RELL1: variants seen among roughly 807,000 people sequenced by gnomAD.
RELL1 encodes RELT like 1.
A neutral mutation model predicts 23.0 loss-of-function variants in RELL1; 10 were observed. The ratio of observed to expected loss-of-function variants is 0.43; its 90% CI spans 0.27 to 0.74. The LOEUF (loss-of-function observed/expected upper bound fraction) is 0.74, where lower values mean the gene tolerates loss of function less well. Among genes scored for constraint, RELL1 ranks in the 30% least tolerant of loss-of-function variants. The pLI, the probability that RELL1 is intolerant of heterozygous loss-of-function variation, is 0.19. For missense variants in RELL1, 315 were observed against 364.4 expected (o/e 0.86, Z 1.10); for synonymous variants, 146 against 146.8 (o/e 0.99, Z 0.04).
At chr4:37,668,694 G>A (rs1234491151) in intron 1 of RELL1, among the ~76,000 whole-genome samples, 4 of 151,428 alleles carry the variant, frequency 2.6e-5, no homozygotes, top group African/African-American at 7.3e-5. Flanking sequence ...GGGATGTGAG[G>A]AGCCCCTCTG....
At position 37,613,304 on chromosome 4, in the gene RELL1, A is replaced by G. The variant is rs1719470477; in HGVS notation, c.*42T>C. 1 of 152,220 alleles carries G rather than the reference A, an allele frequency of 6.6e-6. No individual in the cohort carries two copies. Among genetic ancestry groups the G allele is most frequent in the Non-Finnish European group, 1.5e-5 (1 of 68,040 alleles). The allele number at this position is 152,220 out of a possible 1,614,324, so 9.4% of individuals were successfully genotyped here. A position where few individuals can be genotyped will look rare whatever the true frequency, so the allele number is the denominator to read the frequency against. On this transcript the variant is annotated 3_prime_UTR_variant, in exon 7 of 7. Coordinates refer to ENST00000454158, the MANE Select transcript of RELL1 (RefSeq NM_001085400.2). The stretch of plus-strand genomic sequence containing the variant: ...AATATTCCCAAGGCAACTTCATATA[A>G]GTTTTCAGTCTCTTAGAGCTCTTCA...
At chr4:37,604,880 TACACACAG>T (rs1719137576) in intron 6 of RELL1, among the ~76,000 whole-genome samples, 5 of 37,754 alleles carry the variant, frequency 1.3e-4, no homozygotes, top group South Asian at 1.2e-3. Flanking sequence ...CACACACACA[TACACACAG>T]ACACACACAC....
At chr4:37,604,722 T>C (rs918895649) in intron 6 of RELL1, among the ~76,000 whole-genome samples, 2 of 151,438 alleles carry the variant, frequency 1.3e-5, no homozygotes, top group African/African-American at 4.9e-5. Flanking sequence ...CTTTGGCAAA[T>C]ACAGTTTTGA....
chr4:37,607,547 C>T (rs114886798), downstream of RELL1, among the ~76,000 whole-genome samples: 892 of 150,506 alleles, frequency 5.9e-3, 6 homozygotes, highest in African/African-American at 0.02. Flanking sequence ...CCCTGCAAGT[C>T]GAGAAGGTCC....
At chr4:37,645,074 C>T (rs73807877) in intron 3 of RELL1, among the ~76,000 whole-genome samples, 1,959 of 152,334 alleles carry the variant, frequency 0.013, 46 homozygotes, top group African/African-American at 0.045. Flanking sequence ...CAGCACATAG[C>T]AAACCCTCAT....
rs1377813322 is a variant in RELL1, at chr4:37,612,341, AAAAAAAAC to A, written c.*997_*1004del. Among the ~76,000 whole-genome samples, 6,439 of 56,928 alleles carry A rather than the reference AAAAAAAAC, an allele frequency of 0.11. 176 individuals carry two copies. The highest frequency in any genetic ancestry group is 0.18 in the Non-Finnish European group (4,399 of 23,816). 37.3% of individuals were successfully genotyped at this position (56,928 alleles called of 152,430 possible). A position where few individuals can be genotyped will look rare whatever the true frequency, so the allele number is the denominator to read the frequency against. On this transcript the variant is annotated 3_prime_UTR_variant, in exon 7 of 7. Coordinates refer to ENST00000454158, the MANE Select transcript of RELL1 (RefSeq NM_001085400.2). ...AAAGGTTAAAAAAAAAAAAAAAACA[AAAAAAAAC>A]AAAAAACCGGGTGCAGTGGCCCACG...
chr4:37,651,386 A>G (rs1023814100), intron 1 of RELL1, among the ~76,000 whole-genome samples: 1 of 152,234 alleles, frequency 6.6e-6, no homozygotes, highest in Non-Finnish European at 1.5e-5. Context: ...GACTGAAACA[A>G]AGCTTCAGTA....
At position 37,671,934 on chromosome 4, in the gene RELL1, G is replaced by A. The variant is rs1396803; in HGVS notation, c.88+14266C>T. On this transcript the variant is annotated intron_variant, in intron 1 of 6. Transcript: ENST00000454158. ...ACACTTATGATTACAGTTTTATTAT[G>A]AAGCATACAACTCAGATACAGCCAA... is the stretch of plus-strand genomic sequence containing the variant. Among the ~76,000 whole-genome samples the A allele has an allele frequency of 4.1e-3, 629 of 152,220 alleles. 21 individuals are homozygous for A. The highest frequency in any genetic ancestry group is 0.04 in the Admixed American group (609 of 15,294).
At chr4:37,605,351 A>G (rs1177382589) in intron 6 of RELL1, among the ~76,000 whole-genome samples, 1 of 152,196 alleles carries the variant, frequency 6.6e-6, no homozygotes, top group Non-Finnish European at 1.5e-5. Flanking sequence ...TCATTGTCCA[A>G]TAAAAGGAAC....
intron 6 of RELL1, among the ~76,000 whole-genome samples, chr4:37,631,090 G>A (rs1287609862): frequency 6.6e-6 from 1 of 152,148 alleles, no homozygotes; most frequent in African/African-American, 2.4e-5. Flanking sequence ...TGGGTGATGT[G>A]AATTCTAGTT....
At chr4:37,628,688 C>A (rs1241158477) in intron 6 of RELL1, among the ~76,000 whole-genome samples, 2 of 152,176 alleles carry the variant, frequency 1.3e-5, no homozygotes, top group Non-Finnish European at 2.9e-5. Context: ...ACATTCCAGA[C>A]TTTCTCTTGG....
chr4:37,605,848 A>AAAGAAAGAAAGAAAGAAAG (rs1435263321), downstream of RELL1, among the ~76,000 whole-genome samples: 4 of 107,140 alleles, frequency 3.7e-5, no homozygotes, highest in South Asian at 3.3e-4. Context: ...AGAAAGAAGG[A>AAAGAAAGAAAGAAAGAAAG]AAAGAAAAGA....
chr4:37,604,447 T>C (rs1719098667), intron 6 of RELL1, among the ~76,000 whole-genome samples: 2 of 152,088 alleles, frequency 1.3e-5, no homozygotes, highest in South Asian at 4.1e-4. Context: ...AATGACCAAA[T>C]CAACCTTTCC....
chr4:37,621,661 A>G (rs1176616205), intron 6 of RELL1, among the ~76,000 whole-genome samples: 1 of 152,168 alleles, frequency 6.6e-6, no homozygotes. Context: ...TCTGCAGTGA[A>G]AAGAGCAGAT....
intron 6 of RELL1, among the ~76,000 whole-genome samples, chr4:37,604,761 CCA>C (rs200811075): frequency 1.8e-4 from 9 of 50,220 alleles, no homozygotes; most frequent in East Asian, 9.7e-4. Context: ...AAAACAAGAA[CCA>C]CACACACACA....
chr4:37,607,250 G>T (rs1481828577), downstream of RELL1, among the ~76,000 whole-genome samples: 1 of 152,224 alleles, frequency 6.6e-6, no homozygotes. Flanking sequence ...GCAATCCAAA[G>T]AACGTTGTGG....
At chr4:37,645,611 C>A (rs77551796) in intron 3 of RELL1, among the ~76,000 whole-genome samples, 3,969 of 152,246 alleles carry the variant, frequency 0.026, 214 homozygotes, top group East Asian at 0.16. Context: ...GGGACAATAT[C>A]GTGTGGTTGA....
chr4:37,664,451 T>TAAAGG (rs1721462622), intron 1 of RELL1, among the ~76,000 whole-genome samples: 1 of 152,170 alleles, frequency 6.6e-6, no homozygotes, highest in East Asian at 1.9e-4. Flanking sequence ...TAAAAGACCT[T>TAAAGG]TCTCTAGCTA....
chr4:37,588,916 A>G, downstream of RELL1: 3 of 1,602,874 alleles, frequency 1.9e-6, no homozygotes, highest in Non-Finnish European at 2.6e-6. Flanking sequence ...CTGGAGAAAT[A>G]CTACTTCTAA....
Sources: allele counts gnomAD v4.1 joint callset (sites outside exome capture counted in the v4.1 genomes callset), GRCh38; gene constraint gnomAD v4.1.1; transcripts MANE v1.5; gene names NCBI Gene and HGNC (gene_info 2026-07-23, HGNC 2026-07-21).